ACTL8: variants seen among roughly 807,000 people sequenced by gnomAD.
ACTL8 encodes the protein actin like 8.
Under a neutral mutation model 9.3 loss-of-function variants are expected in ACTL8, and 3 were observed. The ratio of observed to expected loss-of-function variants is 0.32; its 90% CI spans 0.15 to 0.83. The LOEUF is 0.83. Among genes scored for constraint, ACTL8 ranks in the 40% least tolerant of loss-of-function variants. The pLI, the probability that ACTL8 is intolerant of heterozygous loss-of-function variation, is 0.57. For synonymous variants in ACTL8, 224 were observed against 205.9 expected, an observed-to-expected ratio of 1.09 and a Z score of -0.75; for missense variants, 381 against 492.2, an observed-to-expected ratio of 0.77 and a Z score of 2.14.
chr1:17,761,594 T>G (rs2066006284), intron 1 of ACTL8, among the ~76,000 whole-genome samples: 1 of 151,944 alleles, frequency 6.6e-6, no homozygotes, highest in African/African-American at 2.4e-5. Context: ...TTTTTGGGAC[T>G]GAGTCTCGCT....
At chr1:17,796,927 C>T (rs1193115920) in intron 1 of ACTL8, among the ~76,000 whole-genome samples, 1 of 152,196 alleles carries the variant, frequency 6.6e-6, no homozygotes, top group Non-Finnish European at 1.5e-5. Flanking sequence ...GCCCTGAGGG[C>T]CTCGGAAGGC....
intron 1 of ACTL8, among the ~76,000 whole-genome samples, chr1:17,770,953 A>T (rs2066078849): frequency 6.6e-6 from 1 of 152,162 alleles, no homozygotes; most frequent in African/African-American, 2.4e-5. Context: ...GGGCGCGGGT[A>T]ATTTACTTAA....
intron 1 of ACTL8, among the ~76,000 whole-genome samples, chr1:17,821,347 C>A (rs2053658426): frequency 6.6e-6 from 1 of 152,096 alleles, no homozygotes; most frequent in Admixed American, 6.6e-5. Context: ...GGAAACTTTG[C>A]CTTCGTGGTT....
intron 1 of ACTL8, among the ~76,000 whole-genome samples, chr1:17,778,577 A>C (rs1288317910): frequency 6.6e-6 from 1 of 152,174 alleles, no homozygotes; most frequent in Non-Finnish European, 1.5e-5. Context: ...AGTAAAAGAA[A>C]GAATAGTATT....
intron 1 of ACTL8, among the ~76,000 whole-genome samples, chr1:17,822,772 T>C (rs2053674396): frequency 6.6e-6 from 1 of 152,114 alleles, no homozygotes; most frequent in Non-Finnish European, 1.5e-5. Flanking sequence ...GGCCACTTCC[T>C]GGATGTGGCC....
At chr1:17,819,805 C>T (rs767780051) in intron 1 of ACTL8, among the ~76,000 whole-genome samples, 7 of 151,976 alleles carry the variant, frequency 4.6e-5, no homozygotes, top group South Asian at 2.1e-4. Flanking sequence ...CCTAGGTGGG[C>T]GGATTGCTTG....
intron 1 of ACTL8, among the ~76,000 whole-genome samples, chr1:17,788,646 C>A (rs1362007969): frequency 6.6e-6 from 1 of 152,170 alleles, no homozygotes; most frequent in African/African-American, 2.4e-5. Flanking sequence ...GAAGAAACAG[C>A]AAGAGGAGTG....
intron 1 of ACTL8, among the ~76,000 whole-genome samples, chr1:17,797,355 C>T: frequency 6.6e-6 from 1 of 152,164 alleles, no homozygotes; most frequent in East Asian, 1.9e-4. Flanking sequence ...TCCTATGAGA[C>T]CACGTATGCT....
chr1:17,826,145 G>C lies in ACTL8; in HGVS notation c.727G>C (p.Gly243Arg). The C allele has an allele frequency of 6.2e-7, 1 of 1,611,628 alleles. No individual in the cohort carries two copies. The highest frequency in any genetic ancestry group is 8.5e-7 in the Non-Finnish European group (1 of 1,179,008). The change falls in exon 3 of 3, where the codon GGC (glycine) becomes CGC (arginine). Residue 243 changes from glycine (G) to arginine (R), a missense_variant. This residue lies in a region of ACTL8 where 243 missense variants were observed against 276.2 expected (regional missense o/e 0.88). Coordinates refer to ENST00000375406, the MANE Select transcript of ACTL8 (RefSeq NM_030812.3). The surrounding 1 kb of genome is among the most constrained non-coding windows in gnomAD (Gnocchi z 4.5). Reference sequence around the variant, plus strand: ...GAGCAACACCTATCAGCTCCCAGACGGCTCCCGCGTGGAGCTGACCCCCAT... The same window carrying C: ...GAGCAACACCTATCAGCTCCCAGACCGCTCCCGCGTGGAGCTGACCCCCAT... ...DESNTYQLPD[G>R]SRVELTPMQR...
intron 1 of ACTL8, among the ~76,000 whole-genome samples, chr1:17,786,249 C>T (rs1173794117): frequency 6.6e-6 from 1 of 152,194 alleles, no homozygotes; most frequent in Non-Finnish European, 1.5e-5. Flanking sequence ...GAGGATTTAT[C>T]ACCTCTGCCT....
chr1:17,762,764 C>G (rs1436576394), intron 1 of ACTL8, among the ~76,000 whole-genome samples: 1 of 152,072 alleles, frequency 6.6e-6, no homozygotes, highest in African/African-American at 2.4e-5. Context: ...CTTGGTGCCC[C>G]CCGCCCCCCA....
At chr1:17,769,873 T>G (rs1472449806) in intron 1 of ACTL8, among the ~76,000 whole-genome samples, 1 of 152,218 alleles carries the variant, frequency 6.6e-6, no homozygotes, top group Non-Finnish European at 1.5e-5. Flanking sequence ...GCAACTTATT[T>G]GAAATTTTTG....
At chr1:17,813,188 C>T (rs567602230) in intron 1 of ACTL8, among the ~76,000 whole-genome samples, 4 of 152,290 alleles carry the variant, frequency 2.6e-5, no homozygotes, top group East Asian at 1.9e-4. Context: ...GTTGAATATG[C>T]GTGGTGAGGA....
chr1:17,812,898 T>A (rs1337416892), intron 1 of ACTL8, among the ~76,000 whole-genome samples: 1 of 152,212 alleles, frequency 6.6e-6, no homozygotes, highest in African/African-American at 2.4e-5. Flanking sequence ...CTCATAATTT[T>A]TGATGTTATT....
rs1282287107 is a variant in ACTL8 at position 17,823,281 on chromosome 1, G to C, written c.273G>C (p.Arg91=). The change falls in exon 2 of 3, where the codon CGG becomes CGC. Residue 91 remains arginine (R), a synonymous_variant. Transcript: ENST00000375406. This position sits in a 1 kb window ranked among gnomAD's most constrained non-coding sequence, Gnocchi z 5.3. ...LWSFVLENHR[R]EQEVPPVIIT... ...CATTTGTGTTGGAGAACCACAGACG[G>C]GAGCAAGAGGTCCCCCCTGTGATCA... The C allele has an allele frequency of 6.2e-7, 1 of 1,614,112 alleles. No individual in the cohort carries two copies. The highest frequency in any genetic ancestry group is 8.5e-7 in the Non-Finnish European group (1 of 1,180,020).
chr1:17,803,137 C>T (rs2066335232), intron 1 of ACTL8, among the ~76,000 whole-genome samples: 1 of 152,088 alleles, frequency 6.6e-6, no homozygotes, highest in African/African-American at 2.4e-5. Flanking sequence ...CGGTTACCCC[C>T]ATGCTATTCT....
At chr1:17,797,776 C>T (rs904929863) in intron 1 of ACTL8, among the ~76,000 whole-genome samples, 1 of 152,156 alleles carries the variant, frequency 6.6e-6, no homozygotes, top group African/African-American at 2.4e-5. Flanking sequence ...GAATCCCCAG[C>T]CTTCCAGGTG....
chr1:17,805,371 CTT>C (rs67716211), intron 1 of ACTL8, among the ~76,000 whole-genome samples: 8 of 120,878 alleles, frequency 6.6e-5, no homozygotes, highest in East Asian at 2.5e-4. Flanking sequence ...TTTTCTTTTT[CTT>C]TTTCTTTTTT....
Position 17,826,387 on chromosome 1 carries a change from C to T in ACTL8, c.969C>T (p.Thr323=). Residue 323 remains threonine, a synonymous_variant, in exon 3 of 3, where the codon ACC becomes ACT. Coordinates refer to ENST00000375406, the MANE Select transcript of ACTL8 (RefSeq NM_030812.3). This position sits in a 1 kb window ranked among gnomAD's most constrained non-coding sequence, Gnocchi z 4.5. ...TGATGGGGGATCACGTCTCCTCCACCAAGGCCACAGTCTGGGAGGGTTCCA... is the reference window on the plus strand; with the variant it reads ...TGATGGGGGATCACGTCTCCTCCACTAAGGCCACAGTCTGGGAGGGTTCCA... The part of the protein sequence containing the change: ...RELMGDHVSS[T]KATVWEGSNR... 2 of 1,614,140 alleles carry T rather than the reference C, an allele frequency of 1.2e-6. No homozygotes were observed. The highest frequency in any genetic ancestry group is 1.3e-5 in the African/African-American group (1 of 75,042).
Sources: allele counts gnomAD v4.1 joint callset (sites outside exome capture counted in the v4.1 genomes callset), GRCh38; gene constraint gnomAD v4.1.1; regional missense constraint gnomAD v4.1.1; non-coding constraint Gnocchi (gnomAD v3.1); transcripts MANE v1.5; gene names NCBI Gene and HGNC (gene_info 2026-07-23, HGNC 2026-07-21).